SYNPR: variants seen among roughly 807,000 people sequenced by gnomAD.
The protein encoded by SYNPR is synaptoporin.
SYNPR carries 23 observed loss-of-function variants against 32.9 expected under a neutral mutation model. The ratio of observed to expected loss-of-function variants is 0.70; its 90% confidence interval spans 0.50 to 0.99. SYNPR has a LOEUF of 0.99. Among genes scored for constraint, SYNPR ranks in the 50% least tolerant of loss-of-function variants. The pLI is 0.00. For synonymous variants in SYNPR, 146 were observed against 135.9 expected, an observed-to-expected ratio of 1.07 and a Z score of -0.52; for missense variants, 318 against 349.3, an observed-to-expected ratio of 0.91 and a Z score of 0.71.
At chr3:63,350,213 TACAC>T (rs67609911) in intron 2 of SYNPR, among the ~76,000 whole-genome samples, 4,834 of 144,804 alleles carry the variant, frequency 0.033, 101 homozygotes, top group Non-Finnish European at 0.051. Context: ...AATATTATTC[TACAC>T]ACACACACAC....
At chr3:63,544,478 T>G (rs1702365294) in intron 3 of SYNPR, among the ~76,000 whole-genome samples, 1 of 152,096 alleles carries the variant, frequency 6.6e-6, no homozygotes, top group Non-Finnish European at 1.5e-5. Flanking sequence ...TATGCATAAG[T>G]GATTACTATT....
At chr3:63,412,558 T>C (rs1283746294) in intron 2 of SYNPR, among the ~76,000 whole-genome samples, 1 of 152,124 alleles carries the variant, frequency 6.6e-6, no homozygotes, top group Non-Finnish European at 1.5e-5. Flanking sequence ...TGAAGGTGTG[T>C]AGAAGGTTCT....
chr3:63,452,382 C>T lies in SYNPR; in HGVS notation c.85-28450C>T, dbSNP rs552559442. ...TCTTGGGTACTAATTATGTGACAGG[C>T]ACGGATCCAAGTGTTTTATGCATAT... is the stretch of plus-strand genomic sequence containing the variant. On this transcript the variant is annotated intron_variant, in intron 2 of 5. Transcript: ENST00000478300. 7.9e-5 allele frequency among the ~76,000 whole-genome samples: 12 copies of T among 152,260 alleles called. No individual in the cohort carries two copies. The South Asian group carries it at 2.3e-3, about 29-fold the overall frequency.
chr3:63,539,150 C>T (rs1702257799), intron 3 of SYNPR, among the ~76,000 whole-genome samples: 1 of 152,068 alleles, frequency 6.6e-6, no homozygotes, highest in Non-Finnish European at 1.5e-5. Context: ...GAAGTTTTTG[C>T]ATCACTGAAA....
At chr3:63,348,804 C>CT (rs2107014272) in intron 2 of SYNPR, among the ~76,000 whole-genome samples, 1 of 152,224 alleles carries the variant, frequency 6.6e-6, no homozygotes, top group African/African-American at 2.4e-5. Context: ...TCCAGTATGT[C>CT]TTTTTTGTGA....
chr3:63,255,354 T>C (rs531827695), intron 2 of SYNPR, among the ~76,000 whole-genome samples: 6 of 152,254 alleles, frequency 3.9e-5, no homozygotes, highest in South Asian at 2.1e-4. Flanking sequence ...TACTAAGATA[T>C]TGATGATCCT....
intron 3 of SYNPR, among the ~76,000 whole-genome samples, chr3:63,510,032 T>C (rs1348786754): frequency 1.3e-5 from 2 of 152,132 alleles, no homozygotes. Context: ...CTAGCCATTA[T>C]AGACACAGCG....
intron 3 of SYNPR, among the ~76,000 whole-genome samples, chr3:63,539,298 C>G (rs1325374701): frequency 6.6e-6 from 1 of 152,058 alleles, no homozygotes; most frequent in Non-Finnish European, 1.5e-5. Flanking sequence ...TAAATAAACC[C>G]AATTTTTGGT....
chr3:63,341,285 A>G (rs1455399727), intron 2 of SYNPR, among the ~76,000 whole-genome samples: 1 of 152,182 alleles, frequency 6.6e-6, no homozygotes, highest in African/African-American at 2.4e-5. Flanking sequence ...TATCCACTCA[A>G]CTATTGAAGG....
chr3:63,442,122 G>T (rs1349145449), intron 2 of SYNPR, among the ~76,000 whole-genome samples: 1 of 151,890 alleles, frequency 6.6e-6, no homozygotes, highest in Non-Finnish European at 1.5e-5. Context: ...GGAAGAAAGG[G>T]AGTAAGAGAG....
At chr3:63,604,936 A>G (rs1163486400) in intron 4 of SYNPR, among the ~76,000 whole-genome samples, 1 of 152,172 alleles carries the variant, frequency 6.6e-6, no homozygotes, top group African/African-American at 2.4e-5. Context: ...TACCATTGCC[A>G]CTTGATATAT....
intron 2 of SYNPR, among the ~76,000 whole-genome samples, chr3:63,360,076 C>T (rs1398287968): frequency 1.3e-5 from 2 of 152,176 alleles, no homozygotes; most frequent in African/African-American, 4.8e-5. Context: ...TTCTGTGTGA[C>T]ATCTCCACCA....
At chr3:63,255,699 T>G (rs1322701329) in intron 2 of SYNPR, among the ~76,000 whole-genome samples, 1 of 152,092 alleles carries the variant, frequency 6.6e-6, no homozygotes, top group Non-Finnish European at 1.5e-5. Context: ...ATTTCTGCAT[T>G]CCCAACTGAG....
At chr3:63,368,081 AGT>A (rs1364770476) in intron 2 of SYNPR, among the ~76,000 whole-genome samples, 1 of 152,214 alleles carries the variant, frequency 6.6e-6, no homozygotes, top group African/African-American at 2.4e-5. Context: ...ATTTTTAAAA[AGT>A]AGAGATGAGC....
chr3:63,475,193 G>A (rs1307630656), intron 2 of SYNPR, among the ~76,000 whole-genome samples: 1 of 152,122 alleles, frequency 6.6e-6, no homozygotes, highest in Non-Finnish European at 1.5e-5. Flanking sequence ...CTGCATAGAA[G>A]GGGATTCTCT....
chr3:63,319,077 G>A (rs2087078875), intron 2 of SYNPR, among the ~76,000 whole-genome samples: 1 of 152,092 alleles, frequency 6.6e-6, no homozygotes, highest in East Asian at 1.9e-4. Flanking sequence ...GCTGGTACTG[G>A]GAGGTGTCTG....
At chr3:63,492,372 C>A (rs74791716) in intron 3 of SYNPR, among the ~76,000 whole-genome samples, 1 of 152,090 alleles carries the variant, frequency 6.6e-6, no homozygotes, top group East Asian at 1.9e-4. Flanking sequence ...TCTAATTCTA[C>A]GAAAATACAG....
intron 2 of SYNPR, among the ~76,000 whole-genome samples, chr3:63,369,248 A>C (rs909005893): frequency 6.6e-6 from 1 of 152,264 alleles, no homozygotes; most frequent in Admixed American, 6.5e-5. Flanking sequence ...CCTCAGGAGA[A>C]TCCAACTCTG....
chr3:63,593,960 C>T (rs1222065546), intron 4 of SYNPR, among the ~76,000 whole-genome samples: 6 of 152,034 alleles, frequency 3.9e-5, no homozygotes, highest in East Asian at 1.9e-4. Context: ...TGTAAACAGA[C>T]GACTTGGAAA....
Sources: allele counts gnomAD v4.1 joint callset (sites outside exome capture counted in the v4.1 genomes callset), GRCh38; gene constraint gnomAD v4.1.1; transcripts MANE v1.5; gene names NCBI Gene and HGNC (gene_info 2026-07-23, HGNC 2026-07-21).